The following TNFRSF18 variants were observed in gnomAD, a reference collection of about 807,000 sequenced individuals.
TNFRSF18 encodes the protein TNF receptor superfamily member 18, also known as tumor necrosis factor receptor superfamily member 18.
TNFRSF18 carries 36 observed loss-of-function variants against 30.2 expected under a neutral mutation model. The ratio of observed to expected loss-of-function variants is 1.19; its 90% CI spans 0.91 to 1.58. The LOEUF (loss-of-function observed/expected upper bound fraction) is 1.58, where lower values mean the gene tolerates loss of function less well. TNFRSF18 is among the 40% of genes most tolerant of loss of function. The pLI is 0.00. For missense variants in TNFRSF18, 369 were observed against 345.4 expected, an observed-to-expected ratio of 1.07 and a Z score of -0.54; for synonymous variants, 173 against 158.3, an observed-to-expected ratio of 1.09 and a Z score of -0.70.
In TNFRSF18 at chr1:1,206,529, C is replaced by T. The variant is rs763467034; in HGVS notation, c.43G>A (p.Gly15Ser). 149 of 1,531,928 alleles carry T rather than the reference C, an allele frequency of 9.7e-5. No individual in the cohort carries two copies. Among genetic ancestry groups the T allele is most frequent in the Non-Finnish European group, 1.2e-4 (137 of 1,141,282 alleles). The allele number at this position is 1,531,928 out of a possible 1,614,324, so 94.9% of individuals were successfully genotyped here. ...GAMGAFRALC[G>S]LALLCALSLG... ...CTGAGCGCGCACAGCAGCGCCAGGC[C>T]GCACAGGGCCCGAAACGCGCCCATC... is the stretch of plus-strand genomic sequence containing the variant. The change falls in exon 1 of 5, where the codon GGC becomes AGC. Residue 15 changes from glycine to serine, a missense_variant. Transcript: ENST00000379268.
Position 1,205,419 on chromosome 1 carries a change from C to T in TNFRSF18, c.261G>A (p.Thr87=), listed in dbSNP as rs11466689. 3.7e-6 allele frequency: 6 copies of T among 1,612,616 alleles called. No individual in the cohort carries two copies. The highest frequency in any genetic ancestry group is 1.7e-4 in the Middle Eastern group (1 of 6,060). Residue 87 remains threonine, a synonymous_variant, in exon 2 of 5, where the codon ACG becomes ACA. Coordinates refer to ENST00000379268, the MANE Select transcript of TNFRSF18 (RefSeq NM_004195.3). ...GGGGACAAGGGTGGTGCCGGCAGGT[C>T]GTGCAGCAAGGGTCTCCGCAGTGGA... ...PEFHCGDPCC[T]TCRHHPCPPG...
At chr1:1,204,351 A>C (rs1471228002) in intron 3 of TNFRSF18, 48 bp downstream of exon 3, 1 of 1,603,126 alleles carries the variant, frequency 6.2e-7, no homozygotes, top group African/African-American at 1.3e-5. Context: ...CCTTCCTCAG[A>C]GTGGGCCTGG....
At chr1:1,205,843 G>A (rs1281391476) in intron 1 of TNFRSF18, among the ~76,000 whole-genome samples, 1 of 152,212 alleles carries the variant, frequency 6.6e-6, no homozygotes, top group Admixed American at 6.5e-5. Flanking sequence ...CCTGGTGTCT[G>A]GGCGCTGCTG....
chr1:1,205,977 G>A (rs1648803763), intron 1 of TNFRSF18, among the ~76,000 whole-genome samples: 1 of 152,230 alleles, frequency 6.6e-6, no homozygotes, highest in South Asian at 2.1e-4. Flanking sequence ...CGTGTCAGCT[G>A]AACCCTCATC....
chr1:1,204,954 A>T (rs1648742566), intron 2 of TNFRSF18, among the ~76,000 whole-genome samples: 2 of 152,148 alleles, frequency 1.3e-5, no homozygotes, highest in South Asian at 4.1e-4. Flanking sequence ...CTGTCAGGTA[A>T]ACAAGCCGCT....
At chr1:1,204,269 C>T (rs1255270163) in intron 3 of TNFRSF18, 33 bp from the exon 4 acceptor site, 2 of 1,598,392 alleles carry the variant, frequency 1.3e-6, no homozygotes, top group East Asian at 2.3e-5. Context: ...CCTATCAGCC[C>T]CCGGACACGG....
chr1:1,205,824 G>T (rs1570456286), intron 1 of TNFRSF18: 2 of 337,822 alleles, frequency 5.9e-6, no homozygotes, highest in East Asian at 7.1e-5. Flanking sequence ...ACACCTCAGA[G>T]GCCGCCTGCC....
In TNFRSF18 at chr1:1,205,356, C is replaced by T. The variant is rs759206823; in HGVS notation, c.310+14G>A. The T allele has an allele frequency of 3.1e-6, 5 of 1,609,186 alleles. No homozygotes were observed. In the South Asian group the frequency reaches 3.3e-5, roughly 11 times the overall value. ...TGGCCTGTGTGGACTCCCAGAGGCACCTCCAGGACTTACCCTGGGACTGTA... is the reference window on the plus strand; with the variant it reads ...TGGCCTGTGTGGACTCCCAGAGGCATCTCCAGGACTTACCCTGGGACTGTA... On this transcript the variant is annotated intron_variant, in intron 2 of 4. Transcript: ENST00000379268.
intron 2 of TNFRSF18, among the ~76,000 whole-genome samples, chr1:1,205,012 C>T (rs891848846): frequency 5.3e-5 from 8 of 152,276 alleles, no homozygotes; most frequent in Non-Finnish European, 7.4e-5. Flanking sequence ...GCCCCAGGCC[C>T]CAGACAGGAC....
intron 3 of TNFRSF18, 23 bp from the exon 4 acceptor site, chr1:1,204,259 C>G: frequency 6.2e-7 from 1 of 1,602,200 alleles, no homozygotes; most frequent in South Asian, 1.1e-5. Context: ...GACGCGGCCT[C>G]CTATCAGCCC....
rs1170803424 is a variant in TNFRSF18 at position 1,206,397 on chromosome 1, G to T, written c.175C>A (p.Arg59Ser). ...CCRVHTTRCC[R>S]DYPGEECCSE... Reference sequence around the variant, plus strand: ...GCGGTTTACTTACCCGGGTAATCGCGGCAGCAGCGCGTCGTGTGAACCCGG... The same window carrying T: ...GCGGTTTACTTACCCGGGTAATCGCTGCAGCAGCGCGTCGTGTGAACCCGG... The change falls in exon 1 of 5, where the codon CGC (arginine) becomes AGC (serine). Residue 59 changes from arginine to serine, a missense_variant. Transcript: ENST00000379268. 6.5e-7 allele frequency: 1 copy of T among 1,547,188 alleles called. No homozygotes were observed. Among genetic ancestry groups the T allele is most frequent in the Non-Finnish European group, 8.7e-7 (1 of 1,146,208 alleles).
In TNFRSF18 at chr1:1,204,459, A is replaced by C; in HGVS notation, c.338T>G (p.Ile113Ser). 1 of 1,611,294 alleles carries C rather than the reference A, an allele frequency of 6.2e-7. No individual in the cohort carries two copies. The highest frequency in any genetic ancestry group is 1.3e-5 in the African/African-American group (1 of 74,574). ...GGAGAAGGTCCCCGAGGCACAGTCG[A>C]TACACTGGAAGCCAAAACTGAATTT... Reference protein sequence around the residue: ...QGKFSFGFQCIDCASGTFSGG... With the variant: ...QGKFSFGFQCSDCASGTFSGG... Residue 113 changes from isoleucine (I) to serine (S), a missense_variant, in exon 3 of 5, where the codon ATC (isoleucine) becomes AGC (serine). Ile to Ser is a moderately radical substitution (Grantham distance 142). Transcript: ENST00000379268.
chr1:1,204,439 A>G lies in TNFRSF18; in HGVS notation c.358T>C (p.Phe120Leu), dbSNP rs1349795739. 4.1e-6 allele frequency: 6 copies of G among 1,479,992 alleles called. No homozygotes were observed. Among genetic ancestry groups the G allele is most frequent in the Non-Finnish European group, 5.5e-6 (6 of 1,096,906 alleles). The allele number at this position is 1,479,992 out of a possible 1,614,324, so 91.7% of individuals were successfully genotyped here. ...FQCIDCASGT[F>L]SGGHEGHCKP... ...CAGTGGCCTTCGTGGCCCCCGGAGA[A>G]GGTCCCCGAGGCACAGTCGATACAC... Residue 120 changes from phenylalanine (F) to leucine (L), a missense_variant, in exon 3 of 5, where the codon TTC becomes CTC. Physicochemically the swap from Phe to Leu is conservative, Grantham distance 22. Transcript: ENST00000379268.
intron 2 of TNFRSF18, among the ~76,000 whole-genome samples, chr1:1,204,868 C>G (rs111765763): frequency 2.6e-5 from 4 of 152,160 alleles, no homozygotes; most frequent in Non-Finnish European, 4.4e-5. Flanking sequence ...TGACCCCAGA[C>G]CCTGCCCCGT....
rs778420526 is a variant in TNFRSF18, at chr1:1,203,615, A to G, written c.*229T>C. 6.5e-7 allele frequency: 1 copy of G among 1,530,366 alleles called. No individual in the cohort carries two copies. Among genetic ancestry groups the G allele is most frequent in the South Asian group, 1.3e-5 (1 of 78,884 alleles). The allele number at this position is 1,530,366 out of a possible 1,614,324, so 94.8% of individuals were successfully genotyped here. On this transcript the variant is annotated 3_prime_UTR_variant, in exon 5 of 5. Transcript: ENST00000379268. ...CCTAAGACCCCACCCCATCAGGGCC[A>G]GCAAGGGAGGAAGGGGGCCATGACT...
Position 1,203,564 on chromosome 1 carries a change from GCA to G in TNFRSF18, c.*278_*279del. 1 of 1,486,862 alleles carries G rather than the reference GCA, an allele frequency of 6.7e-7. No individual in the cohort carries two copies. Among genetic ancestry groups the G allele is most frequent in the Non-Finnish European group, 8.9e-7 (1 of 1,126,846 alleles). 92.1% of individuals were successfully genotyped at this position (1,486,862 alleles called of 1,614,324 possible). A position where few individuals can be genotyped will look rare whatever the true frequency, so the allele number is the denominator to read the frequency against. On this transcript the variant is annotated 3_prime_UTR_variant, in exon 5 of 5. Coordinates refer to ENST00000379268, the MANE Select transcript of TNFRSF18 (RefSeq NM_004195.3). ...GCAGCCGGGTCCCGTGCTGGGCACT[GCA>G]CACCCACGGACACAGCCTCCCGTCC...
chr1:1,204,560 C>T, intron 2 of TNFRSF18, 74 bp from the exon 3 acceptor site: 1 of 1,195,818 alleles, frequency 8.4e-7, no homozygotes, highest in Non-Finnish European at 1.2e-6. Context: ...GGGCGTCAGG[C>T]CAGTGCAGGG....
Position 1,205,479 on chromosome 1 carries a change from A to G in TNFRSF18, c.201T>C (p.Cys67=). 1.2e-6 allele frequency: 2 copies of G among 1,612,214 alleles called. No individual in the cohort carries two copies. The highest frequency in any genetic ancestry group is 2.2e-5 in the East Asian group (1 of 44,860). Reference sequence around the variant, plus strand: ...GGACACACATGCAGTCCCACTCGGAACAGCACTCCTCGCCTGGGCAGGAGA... The same window carrying G: ...GGACACACATGCAGTCCCACTCGGAGCAGCACTCCTCGCCTGGGCAGGAGA... ...CCRDYPGEEC[C]SEWDCMCVQP... is the part of the protein sequence containing the mutation. Residue 67 remains cysteine (C), a synonymous_variant, in exon 2 of 5, where the codon TGT becomes TGC. Coordinates refer to ENST00000379268, the MANE Select transcript of TNFRSF18 (RefSeq NM_004195.3).
At chr1:1,204,293 C>G in intron 3 of TNFRSF18, 57 bp from the exon 4 acceptor site, 1 of 1,591,356 alleles carries the variant, frequency 6.3e-7, no homozygotes, top group Non-Finnish European at 8.6e-7. Context: ...CCGATCAGCC[C>G]CCGGCTGCTG....
Sources: gnomAD v4.1 joint callset for allele counts (sites outside exome capture counted in the v4.1 genomes callset) on GRCh38, gnomAD v4.1.1 for gene constraint, MANE v1.5 for transcripts, NCBI Gene and HGNC (gene_info 2026-07-23, HGNC 2026-07-21) for gene names.